The following ST6GALNAC5 variants were observed in gnomAD, a reference collection of about 807,000 sequenced individuals.
ST6GALNAC5 encodes the protein ST6 N-acetylgalactosaminide alpha-2,6-sialyltransferase 5.
A neutral mutation model predicts 33.6 loss-of-function variants in ST6GALNAC5; 27 were observed. The observed-to-expected ratio is 0.80, with a 90% CI of 0.59 to 1.11. The LOEUF (loss-of-function observed/expected upper bound fraction) is 1.11, where lower values mean the gene tolerates loss of function less well. ST6GALNAC5 is among the 50% of genes least tolerant of loss of function. The pLI is 0.00. For synonymous variants in ST6GALNAC5, 194 were observed against 171.2 expected (o/e 1.13, Z -1.04); for missense variants, 428 against 454.0 (o/e 0.94, Z 0.52).
intron 2 of ST6GALNAC5, among the ~76,000 whole-genome samples, chr1:76,918,636 A>AT (rs1245775333): frequency 7.9e-5 from 12 of 151,448 alleles, no homozygotes; most frequent in Admixed American, 7.9e-4. Context: ...AAAAAAAAAA[A>AT]AGAATGAGGC....
intron 2 of ST6GALNAC5, among the ~76,000 whole-genome samples, chr1:76,930,696 A>G (rs1271292017): frequency 1.3e-5 from 2 of 152,156 alleles, no homozygotes; most frequent in Non-Finnish European, 2.9e-5. Flanking sequence ...AATCTAACAT[A>G]TGAAAACTCA....
intron 2 of ST6GALNAC5, among the ~76,000 whole-genome samples, chr1:76,902,740 T>C (rs1646830588): frequency 6.6e-6 from 1 of 152,130 alleles, no homozygotes; most frequent in African/African-American, 2.4e-5. Context: ...AATCTATATG[T>C]CTTTGGTCAC....
intron 2 of ST6GALNAC5, among the ~76,000 whole-genome samples, chr1:77,022,804 G>A (rs945380916): frequency 9.2e-5 from 14 of 152,132 alleles, no homozygotes; most frequent in African/African-American, 3.4e-4. Context: ...GCCCTTTTAG[G>A]AGAAGTGACA....
At chr1:76,882,473 T>C (rs530356962) in intron 2 of ST6GALNAC5, among the ~76,000 whole-genome samples, 4 of 152,280 alleles carry the variant, frequency 2.6e-5, no homozygotes, top group African/African-American at 9.6e-5. Context: ...AGGATGGAAT[T>C]ACTTTAGGCA....
intron 2 of ST6GALNAC5, among the ~76,000 whole-genome samples, chr1:76,974,464 A>C (rs1018855899): frequency 2.6e-5 from 4 of 151,860 alleles, no homozygotes; most frequent in Non-Finnish European, 5.9e-5. Flanking sequence ...TGGTCTCCCA[A>C]AGTGTTGGGT....
chr1:76,984,979 AAC>A (rs1161956210), intron 2 of ST6GALNAC5, among the ~76,000 whole-genome samples: 1 of 152,244 alleles, frequency 6.6e-6, no homozygotes, highest in Non-Finnish European at 1.5e-5. Context: ...TCTTGCTAAA[AAC>A]ACGCAATAAA....
intron 2 of ST6GALNAC5, among the ~76,000 whole-genome samples, chr1:76,899,949 C>T (rs1337409579): frequency 6.6e-6 from 1 of 152,124 alleles, no homozygotes; most frequent in African/African-American, 2.4e-5. Context: ...CAAGGGAGGT[C>T]CCCCGATCCA....
At chr1:77,035,665 C>T (rs1651620393) in intron 2 of ST6GALNAC5, among the ~76,000 whole-genome samples, 1 of 151,970 alleles carries the variant, frequency 6.6e-6, no homozygotes, top group African/African-American at 2.4e-5. Flanking sequence ...TAAATAAGCC[C>T]ATGAAAAGAT....
At chr1:77,057,768 C>T (rs1652447888) in intron 4 of ST6GALNAC5, among the ~76,000 whole-genome samples, 1 of 152,058 alleles carries the variant, frequency 6.6e-6, no homozygotes, top group South Asian at 2.1e-4. Flanking sequence ...CCTCAAATGC[C>T]AAGGTACCAT....
chr1:76,888,344 G>A (rs963107430), intron 2 of ST6GALNAC5, among the ~76,000 whole-genome samples: 8 of 152,056 alleles, frequency 5.3e-5, no homozygotes, highest in South Asian at 2.1e-4. Context: ...CTGTTGGTCC[G>A]AGATCCATCT....
intron 2 of ST6GALNAC5, among the ~76,000 whole-genome samples, chr1:76,908,036 T>A (rs1339576287): frequency 6.6e-6 from 1 of 152,178 alleles, no homozygotes; most frequent in Non-Finnish European, 1.5e-5. Flanking sequence ...ATCTTTTTAA[T>A]ACAATAGATT....
At chr1:76,943,441 T>C (rs930228294) in intron 2 of ST6GALNAC5, among the ~76,000 whole-genome samples, 2 of 152,106 alleles carry the variant, frequency 1.3e-5, no homozygotes, top group African/African-American at 4.8e-5. Flanking sequence ...CTACAGGTAC[T>C]AATCTCTCTA....
intron 2 of ST6GALNAC5, among the ~76,000 whole-genome samples, chr1:76,961,367 C>T (rs1227581573): frequency 6.6e-6 from 1 of 152,116 alleles, no homozygotes; most frequent in Non-Finnish European, 1.5e-5. Context: ...GCAGCACACA[C>T]ATGTCTCTGG....
In ST6GALNAC5 at chr1:77,066,028, C is replaced by T. The variant is rs79261221; in HGVS notation, c.*2822C>T. Among the ~76,000 whole-genome samples, 10,149 of 152,234 alleles carry T rather than the reference C, an allele frequency of 0.067. 462 individuals are homozygous for T. Among genetic ancestry groups the T allele is most frequent in the Middle Eastern group, 0.11 (33 of 294 alleles). ...GAGGAATCTCAGATTTAATATTCTACGGTAAATATTCACCCAAGAAAGCAT... is the reference window on the plus strand; with the variant it reads ...GAGGAATCTCAGATTTAATATTCTATGGTAAATATTCACCCAAGAAAGCAT... On this transcript the variant is annotated 3_prime_UTR_variant, in exon 5 of 5. Coordinates refer to ENST00000477717, the MANE Select transcript of ST6GALNAC5 (RefSeq NM_030965.3).
intron 2 of ST6GALNAC5, among the ~76,000 whole-genome samples, chr1:76,942,991 A>G (rs914428514): frequency 2.0e-5 from 3 of 152,088 alleles, no homozygotes; most frequent in African/African-American, 7.2e-5. Flanking sequence ...GTCCTCCCTA[A>G]GTGATAACAA....
chr1:76,977,892 A>G (rs1649077442), intron 2 of ST6GALNAC5, among the ~76,000 whole-genome samples: 1 of 152,072 alleles, frequency 6.6e-6, no homozygotes, highest in Non-Finnish European at 1.5e-5. Flanking sequence ...TGTTTGAGAA[A>G]CTTCTGCATC....
At chr1:76,888,358 G>A (rs1653942383) in intron 2 of ST6GALNAC5, among the ~76,000 whole-genome samples, 1 of 152,096 alleles carries the variant, frequency 6.6e-6, no homozygotes, top group South Asian at 2.1e-4. Context: ...TCCATCTCTT[G>A]AGTTGTAAGA....
chr1:77,014,210 T>C (rs1205012267), intron 2 of ST6GALNAC5, among the ~76,000 whole-genome samples: 2 of 152,228 alleles, frequency 1.3e-5, no homozygotes, highest in African/African-American at 4.8e-5. Flanking sequence ...GCAGCTCAGA[T>C]GTGGAGGCTG....
In ST6GALNAC5 at chr1:77,000,273, G is replaced by C. The variant is rs921455225; in HGVS notation, c.262-43931G>C. On this transcript the variant is annotated intron_variant, in intron 2 of 4. Coordinates refer to ENST00000477717, the MANE Select transcript of ST6GALNAC5 (RefSeq NM_030965.3). ...TGAGCATTTTTTCATGTGTTTTTTG[G>C]CTGCATAAATGTCTTCTTTTGAGAA... Among the ~76,000 whole-genome samples the C allele has an allele frequency of 2.5e-5, 3 of 118,556 alleles. 1 individual carries two copies. Among genetic ancestry groups the C allele is most frequent in the Non-Finnish European group, 6.0e-5 (3 of 50,332 alleles). 77.8% of individuals were successfully genotyped at this position (118,556 alleles called of 152,430 possible).
Sources: allele counts gnomAD v4.1 joint callset (sites outside exome capture counted in the v4.1 genomes callset), GRCh38; gene constraint gnomAD v4.1.1; transcripts MANE v1.5; gene names NCBI Gene and HGNC (gene_info 2026-07-23, HGNC 2026-07-21).